UACA: variants seen among roughly 807,000 people sequenced by gnomAD.
The protein encoded by UACA is nuclear membrane binding protein.
UACA carries 112 observed loss-of-function variants against 160.5 expected under a neutral mutation model. The ratio of observed to expected loss-of-function variants is 0.70; its 90% confidence interval spans 0.60 to 0.82. The LOEUF (loss-of-function observed/expected upper bound fraction) is 0.82, where lower values mean the gene tolerates loss of function less well. Among genes scored for constraint, UACA ranks in the 40% least tolerant of loss-of-function variants. The pLI, the probability that UACA is intolerant of heterozygous loss-of-function variation, is 0.00. For missense variants in UACA, 1,574 were observed against 1,614.6 expected, an observed-to-expected ratio of 0.97 and a Z score of 0.43; for synonymous variants, 557 against 568.4, an observed-to-expected ratio of 0.98 and a Z score of 0.29.
chr15:70,703,807 TCATAGCTATTTCCCAAGAGCCC>T (rs966730767), intron 1 of UACA, among the ~76,000 whole-genome samples: 9 of 152,272 alleles, frequency 5.9e-5, no homozygotes, highest in Admixed American at 3.3e-4. Flanking sequence ...ACACCTTCCT[TCATAGCTATTTCCCAAGAGCCC>T]TACGCAAATT....
Position 70,668,842 on chromosome 15 carries a change from GC to G in UACA, c.1841del (p.Gly614AlafsTer22). 6.2e-7 allele frequency: 1 copy of G among 1,613,604 alleles called. No homozygotes were observed. The highest frequency in any genetic ancestry group is 8.5e-7 in the Non-Finnish European group (1 of 1,179,968). On this transcript the variant is annotated frameshift_variant, in exon 16 of 19. Transcript: ENST00000322954. LOFTEE classifies it high-confidence loss of function. ...ACTTCGCTGACAATTCTTTTGCCTG[GC>G]CTTCCATCTCTGTGACCTTTCTTCC... ...KKGRKVTEME[G>X]QAKELSAKLA...
At chr15:70,712,255 T>G (rs969124417) in intron 1 of UACA, among the ~76,000 whole-genome samples, 4 of 152,014 alleles carry the variant, frequency 2.6e-5, no homozygotes, top group African/African-American at 9.7e-5. Context: ...TCTTGACACC[T>G]TCCTTTCCTT....
intron 16 of UACA, among the ~76,000 whole-genome samples, chr15:70,666,123 T>C (rs1484177142): frequency 1.3e-5 from 2 of 152,136 alleles, no homozygotes; most frequent in African/African-American, 4.8e-5. Flanking sequence ...CAGTAAAACA[T>C]CCACCTTAGA....
At chr15:70,761,634 A>C (rs2030763964) in intron 1 of UACA, among the ~76,000 whole-genome samples, 1 of 152,188 alleles carries the variant, frequency 6.6e-6, no homozygotes, top group Non-Finnish European at 1.5e-5. Flanking sequence ...AATTGTACAG[A>C]ACTTATTCTA....
intron 1 of UACA, among the ~76,000 whole-genome samples, chr15:70,759,461 G>C (rs1481623218): frequency 1.3e-5 from 2 of 152,180 alleles, no homozygotes; most frequent in African/African-American, 4.8e-5. Context: ...TTTGAGAACA[G>C]CCTGGCCAAT....
At chr15:70,690,369 AT>A in intron 5 of UACA, 84 bp downstream of exon 5, 1 of 1,176,362 alleles carries the variant, frequency 8.5e-7, no homozygotes. Context: ...AATTATATAA[AT>A]ATCTATGTGT....
chr15:70,756,598 C>T (rs1485450832), intron 1 of UACA, among the ~76,000 whole-genome samples: 2 of 151,970 alleles, frequency 1.3e-5, no homozygotes, highest in Non-Finnish European at 1.5e-5. Flanking sequence ...CTCAGCTGGG[C>T]GAGGTGGCTC....
At chr15:70,757,892 C>T (rs1382005043) in intron 1 of UACA, among the ~76,000 whole-genome samples, 1 of 152,220 alleles carries the variant, frequency 6.6e-6, no homozygotes, top group Non-Finnish European at 1.5e-5. Context: ...CAAGTTCATC[C>T]TCCACACTTT....
intron 5 of UACA, 73 bp from the exon 6 acceptor site, chr15:70,687,893 T>C: frequency 7.0e-7 from 1 of 1,425,584 alleles, no homozygotes; most frequent in East Asian, 2.3e-5. Context: ...TCTAGGTCCA[T>C]ATAAGGAATA....
chr15:70,712,301 C>T (rs980695612), intron 1 of UACA, among the ~76,000 whole-genome samples: 4 of 152,042 alleles, frequency 2.6e-5, no homozygotes, highest in Admixed American at 6.6e-5. Context: ...TTTTACCTCC[C>T]CATCTTACTG....
intron 1 of UACA, among the ~76,000 whole-genome samples, chr15:70,762,711 GTTTTGT>G (rs1451417318): frequency 2.0e-5 from 3 of 152,250 alleles, no homozygotes; most frequent in Admixed American, 6.5e-5. Flanking sequence ...ACCCTGTGGG[GTTTTGT>G]CTTTACGACT....
At chr15:70,724,955 G>A (rs1292186728) in intron 1 of UACA, among the ~76,000 whole-genome samples, 1 of 151,928 alleles carries the variant, frequency 6.6e-6, no homozygotes, top group Admixed American at 6.6e-5. Flanking sequence ...GCCAGGTATG[G>A]TGGCAAGCAC....
At chr15:70,681,762 T>C (rs970678319) in intron 9 of UACA, 2 of 152,122 alleles carry the variant, frequency 1.3e-5, no homozygotes, top group Non-Finnish European at 2.9e-5. Context: ...TTCAGATGGA[T>C]TGAAAAGGAA....
intron 1 of UACA, among the ~76,000 whole-genome samples, chr15:70,747,501 C>T (rs1034653024): frequency 6.6e-6 from 1 of 152,030 alleles, no homozygotes; most frequent in African/African-American, 2.4e-5. Flanking sequence ...TCCCAAGTAG[C>T]GGGGACTACA....
chr15:70,774,587 G>A, the UACA span, among the ~76,000 whole-genome samples: 474 of 150,026 alleles, frequency 3.2e-3, 3 homozygotes, highest in African/African-American at 0.011. Flanking sequence ...CATGAAATGG[G>A]AAGGACAGAT....
intron 1 of UACA, among the ~76,000 whole-genome samples, chr15:70,753,862 G>A (rs1451186269): frequency 6.6e-6 from 1 of 152,184 alleles, no homozygotes; most frequent in Non-Finnish European, 1.5e-5. Context: ...CTGGAGTGCA[G>A]TGGCGCGATC....
intron 1 of UACA, among the ~76,000 whole-genome samples, chr15:70,722,555 C>T (rs558036727): frequency 6.6e-6 from 1 of 152,280 alleles, no homozygotes; most frequent in African/African-American, 2.4e-5. Flanking sequence ...TGAGCTCAAG[C>T]AATCCTCCTG....
In UACA at chr15:70,669,310, T is replaced by C. The variant is rs78821209; in HGVS notation, c.1374A>G (p.Gln458=). 12 of 1,614,134 alleles carry C rather than the reference T, an allele frequency of 7.4e-6. No homozygotes were observed. The South Asian group carries it at 8.8e-5, about 12-fold the overall frequency. The change falls in exon 16 of 19, where the codon CAA becomes CAG. Residue 458 remains glutamine, a synonymous_variant. Coordinates refer to ENST00000322954, the MANE Select transcript of UACA (RefSeq NM_018003.4). ...GTTCATTTTGGAGCTTCAGTCGGTC[T>C]TGTTTTGCTGACTCACAGAAAGTTC... ...AMRTFCESAK[Q]DRLKLQNELA...
intron 1 of UACA, among the ~76,000 whole-genome samples, chr15:70,760,805 CAAAAA>C (rs34530236): frequency 3.2e-5 from 2 of 63,020 alleles, no homozygotes; most frequent in South Asian, 1.1e-3. Flanking sequence ...GACTCCGTCT[CAAAAA>C]AAAAAAAAAA....
Sources: allele counts gnomAD v4.1 joint callset (sites outside exome capture counted in the v4.1 genomes callset), GRCh38; gene constraint gnomAD v4.1.1; transcripts MANE v1.5; gene names NCBI Gene and HGNC (gene_info 2026-07-23, HGNC 2026-07-21).